B3GALT1: variants seen among roughly 807,000 people sequenced by gnomAD.
B3GALT1 encodes UDP-Gal:betaGlcNAc beta 1,3-galactosyltransferase, polypeptide 1.
B3GALT1 carries 10 observed loss-of-function variants against 23.2 expected under a neutral mutation model. The observed-to-expected ratio is 0.43, with a 90% CI of 0.27 to 0.73. The LOEUF is 0.73. Among genes scored for constraint, B3GALT1 ranks in the 30% least tolerant of loss-of-function variants. The pLI is 0.21. For synonymous variants in B3GALT1, 156 were observed against 141.5 expected (o/e 1.10, Z -0.73); for missense variants, 299 against 405.4 (o/e 0.74, Z 2.25).
intron 2 of B3GALT1, among the ~76,000 whole-genome samples, chr2:167,644,559 T>TC (rs895183658): frequency 1.2e-4 from 18 of 152,044 alleles, no homozygotes; most frequent in African/African-American, 4.1e-4. Flanking sequence ...GGCGGGTGGA[T>TC]CACGAGGTCA....
At chr2:167,442,336 C>T (rs1466268517) in intron 1 of B3GALT1, among the ~76,000 whole-genome samples, 1 of 152,136 alleles carries the variant, frequency 6.6e-6, no homozygotes, top group Non-Finnish European at 1.5e-5. Flanking sequence ...CCGCAATAAA[C>T]ATACGTGTGC....
chr2:167,598,715 G>C (rs1684825225), intron 2 of B3GALT1, among the ~76,000 whole-genome samples: 1 of 152,098 alleles, frequency 6.6e-6, no homozygotes, highest in Admixed American at 6.5e-5. Context: ...GTGGCTTGTG[G>C]AATAAGGCTT....
Position 167,714,644 on chromosome 2 carries a change from A to C in B3GALT1, c.-352+67678A>C, listed in dbSNP as rs1309540421. ...AGCATTTTCTTTCCTTAAATCATTGAGGTTTCTTTCAGCAGTCCGAGCTGC... is the reference window on the plus strand; with the variant it reads ...AGCATTTTCTTTCCTTAAATCATTGCGGTTTCTTTCAGCAGTCCGAGCTGC... On this transcript the variant is annotated intron_variant, in intron 3 of 4. Transcript: ENST00000392690. 9 of 1,613,728 alleles carry C rather than the reference A, an allele frequency of 5.6e-6. No homozygotes were observed. In the South Asian group the frequency reaches 6.6e-5, roughly 12 times the overall value.
chr2:167,544,148 C>A (rs1297218059), intron 2 of B3GALT1, among the ~76,000 whole-genome samples: 1 of 152,164 alleles, frequency 6.6e-6, no homozygotes, highest in Non-Finnish European at 1.5e-5. Context: ...AATGGTCAGA[C>A]CTGGGTCACA....
At chr2:167,590,071 G>A (rs1684647779) in intron 2 of B3GALT1, among the ~76,000 whole-genome samples, 1 of 152,114 alleles carries the variant, frequency 6.6e-6, no homozygotes, top group African/African-American at 2.4e-5. Flanking sequence ...AGTGGGCCAG[G>A]CGCGGTGACT....
chr2:167,483,638 A>T (rs537847444), intron 1 of B3GALT1, among the ~76,000 whole-genome samples: 1 of 152,320 alleles, frequency 6.6e-6, no homozygotes, highest in Non-Finnish European at 1.5e-5. Context: ...GGAGAGAAAG[A>T]TCAGTTGTTC....
At chr2:167,855,331 A>C (rs1267550403) in intron 4 of B3GALT1, among the ~76,000 whole-genome samples, 1 of 152,200 alleles carries the variant, frequency 6.6e-6, no homozygotes, top group East Asian at 1.9e-4. Context: ...CTTGTATTCA[A>C]ATCCAGGTTT....
intron 3 of B3GALT1, among the ~76,000 whole-genome samples, chr2:167,711,567 G>A (rs1183270031): frequency 6.6e-6 from 1 of 152,126 alleles, no homozygotes; most frequent in African/African-American, 2.4e-5. Context: ...AAATCATTCA[G>A]TATTTTTTTT....
chr2:167,715,658 C>T (rs1454559896), intron 3 of B3GALT1: 3 of 1,613,538 alleles, frequency 1.9e-6, no homozygotes, highest in South Asian at 2.2e-5. Context: ...AGAATTGGAC[C>T]TGTTCAGCTT....
chr2:167,443,357 G>T (rs1224426865), intron 1 of B3GALT1, among the ~76,000 whole-genome samples: 1 of 152,190 alleles, frequency 6.6e-6, no homozygotes, highest in African/African-American at 2.4e-5. Context: ...TGGCAATGCG[G>T]ACTCTTTTTT....
rs555670761 is a variant in B3GALT1 at position 167,861,031 on chromosome 2, G to C, written c.-229-7780G>C. Among the ~76,000 whole-genome samples the C allele has an allele frequency of 1.2e-4, 18 of 152,278 alleles. No homozygotes were observed. The South Asian group carries it at 1.9e-3, about 16-fold the overall frequency. ...AAATCAGGAAAATTAAAATGTAAAG[G>C]AGTGAAGTCTTGCGGAGCAAAGTAC... On this transcript the variant is annotated intron_variant, in intron 4 of 4. Transcript: ENST00000392690.
chr2:167,826,469 GC>G (rs1486734675), intron 4 of B3GALT1, among the ~76,000 whole-genome samples: 1 of 152,226 alleles, frequency 6.6e-6, no homozygotes, highest in Non-Finnish European at 1.5e-5. Context: ...TAGCATAGCA[GC>G]CTGGTGCTCC....
chr2:167,522,000 A>ATATATG (rs1425121166), intron 2 of B3GALT1, among the ~76,000 whole-genome samples: 1 of 146,500 alleles, frequency 6.8e-6, no homozygotes, highest in Non-Finnish European at 1.5e-5. Flanking sequence ...ATATATATAT[A>ATATATG]TATATACACA....
At chr2:167,372,925 A>G (rs558200272) in intron 1 of B3GALT1, among the ~76,000 whole-genome samples, 4 of 152,192 alleles carry the variant, frequency 2.6e-5, no homozygotes, top group African/African-American at 9.6e-5. Flanking sequence ...ACTCAGCACA[A>G]TCTCAATCAT....
At chr2:167,777,457 C>T (rs1688179488) in intron 3 of B3GALT1, among the ~76,000 whole-genome samples, 1 of 152,230 alleles carries the variant, frequency 6.6e-6, no homozygotes, top group South Asian at 2.1e-4. Context: ...AGCAATTGTC[C>T]TGCCTCAGCC....
intron 3 of B3GALT1, among the ~76,000 whole-genome samples, chr2:167,717,294 GTT>G (rs71003008): frequency 4.1e-5 from 6 of 147,648 alleles, no homozygotes; most frequent in South Asian, 4.3e-4. Flanking sequence ...TTATCTATGA[GTT>G]TTTTTTTTAT....
intron 4 of B3GALT1, among the ~76,000 whole-genome samples, chr2:167,822,869 G>A (rs1324804924): frequency 6.6e-6 from 1 of 152,186 alleles, no homozygotes; most frequent in Non-Finnish European, 1.5e-5. Context: ...GTACTATGAG[G>A]ACAAGGGTGG....
At chr2:167,526,501 A>G (rs1400395103) in intron 2 of B3GALT1, among the ~76,000 whole-genome samples, 1 of 152,196 alleles carries the variant, frequency 6.6e-6, no homozygotes, top group East Asian at 1.9e-4. Flanking sequence ...AACTCAGTAA[A>G]TAGAAGTTGA....
At chr2:167,850,909 C>T (rs1198755415) in intron 4 of B3GALT1, among the ~76,000 whole-genome samples, 1 of 152,006 alleles carries the variant, frequency 6.6e-6, no homozygotes, top group African/African-American at 2.4e-5. Context: ...TCACAAATCA[C>T]CACTAAAGAA....
Sources: gnomAD v4.1 joint callset for allele counts (sites outside exome capture counted in the v4.1 genomes callset) on GRCh38, gnomAD v4.1.1 for gene constraint, MANE v1.5 for transcripts, NCBI Gene and HGNC (gene_info 2026-07-23, HGNC 2026-07-21) for gene names.